Variants in STXBP2 observed in about 807,000 individuals in gnomAD.
STXBP2 encodes syntaxin binding protein 2.
STXBP2 carries 47 observed loss-of-function variants against 72.2 expected under a neutral mutation model. The observed-to-expected ratio is 0.65, with a 90% CI of 0.51 to 0.83. The LOEUF (loss-of-function observed/expected upper bound fraction) is 0.83. STXBP2 is among the 40% of genes least tolerant of loss of function. The probability of loss-of-function intolerance (pLI) is 0.00; values close to 1 mark genes in which losing one functional copy is unlikely to be tolerated. For missense variants in STXBP2, 702 were observed against 807.6 expected, an observed-to-expected ratio of 0.87 and a Z score of 1.58; for synonymous variants, 367 against 338.7, an observed-to-expected ratio of 1.08 and a Z score of -0.92.
intron 1 of STXBP2, 108 bp downstream of exon 1, chr19:7,637,294 G>A: frequency 8.8e-7 from 1 of 1,133,454 alleles, no homozygotes; most frequent in Non-Finnish European, 1.1e-6. Context: ...TTGGGGGCCG[G>A]GCTGGGCGTC....
the STXBP2 span, chr19:7,631,539 G>A: frequency 4.6e-6 from 7 of 1,535,870 alleles, no homozygotes; most frequent in South Asian, 2.4e-5. Flanking sequence ...CCTTCGCGAC[G>A]CCCAGCAGAA....
upstream of STXBP2, among the ~76,000 whole-genome samples, chr19:7,634,705 C>T (rs1482822229): frequency 3.3e-5 from 5 of 152,134 alleles, no homozygotes; most frequent in Admixed American, 6.6e-5. Context: ...ATTGAGCCAA[C>T]GTTCCAGAGG....
At chr19:7,639,975 TG>T (rs1204365043) in intron 4 of STXBP2, 168 bp downstream of exon 4, 1 of 777,270 alleles carries the variant, frequency 1.3e-6, no homozygotes, top group Admixed American at 2.1e-5. Flanking sequence ...TGTGTATGCA[TG>T]TGTGTGCGTG....
intron 4 of STXBP2, chr19:7,640,199 C>A (rs570779882): frequency 3.8e-5 from 17 of 444,022 alleles, no homozygotes; most frequent in East Asian, 6.4e-5. Context: ...TGTGTGTATG[C>A]GTGTGTATGT....
chr19:7,646,936 A>G (rs1418367671), intron 16 of STXBP2: 5 of 596,948 alleles, frequency 8.4e-6, no homozygotes, highest in Non-Finnish European at 1.5e-5. Flanking sequence ...CTGGGTACCC[A>G]AGGAGTTATG....
intron 16 of STXBP2, 50 bp downstream of exon 16, chr19:7,646,394 G>C: frequency 6.6e-7 from 1 of 1,505,064 alleles, no homozygotes; most frequent in Non-Finnish European, 9.1e-7. Flanking sequence ...ATCGGCTGGC[G>C]GCTCAGCCTC....
chr19:7,644,774 T>G (rs764999962), intron 14 of STXBP2, 22 bp downstream of exon 14: 1 of 1,613,214 alleles, frequency 6.2e-7, no homozygotes, highest in South Asian at 1.1e-5. Flanking sequence ...CTGCAGGGAG[T>G]TGGAACGTCC....
At chr19:7,632,679 C>G, upstream of STXBP2, 1 of 1,549,880 alleles carries the variant, frequency 6.5e-7, no homozygotes, top group Non-Finnish European at 8.7e-7. This position sits in a 1 kb window ranked among gnomAD's most constrained non-coding sequence, Gnocchi z 5.2. Flanking sequence ...CCACCCCGTT[C>G]ACGCCCCATG....
intron 3 of STXBP2, 173 bp downstream of exon 3, chr19:7,639,273 C>T (rs1428925372): frequency 1.3e-6 from 1 of 755,602 alleles, no homozygotes; most frequent in African/African-American, 1.7e-5. Flanking sequence ...CATTCTTAAA[C>T]CTTGCAAGCT....
At chr19:7,630,693 CAGGGGTGGGAG>C in the STXBP2 span, 1 of 1,533,110 alleles carries the variant, frequency 6.5e-7, no homozygotes, top group Non-Finnish European at 8.7e-7. Context: ...GGGTTCATTC[CAGGGGTGGGAG>C]AGGGTGTGGG....
At chr19:7,632,894 A>G (rs2031387164), upstream of STXBP2, 2 of 1,526,576 alleles carry the variant, frequency 1.3e-6, no homozygotes, top group Non-Finnish European at 8.8e-7. This position sits in a 1 kb window ranked among gnomAD's most constrained non-coding sequence, Gnocchi z 5.2. Context: ...CAAACTTCCT[A>G]GCCAGCTTGC....
chr19:7,640,504 G>GCA, intron 4 of STXBP2: 1 of 604,244 alleles, frequency 1.7e-6, no homozygotes, highest in Non-Finnish European at 3.2e-6. Context: ...GTGCATCTGT[G>GCA]TGTGTGTGCA....
At chr19:7,631,938 C>T (rs147293606), upstream of STXBP2, 638 of 951,446 alleles carry the variant, frequency 6.7e-4, 6 homozygotes, top group East Asian at 0.014. Context: ...CTATGTTTAC[C>T]CTCAATATCT....
upstream of STXBP2, chr19:7,636,513 C>T (rs916020583): frequency 1.3e-5 from 2 of 152,180 alleles, no homozygotes; most frequent in African/African-American, 4.8e-5. Context: ...GGACAGGCTC[C>T]TGGCTTGAAC....
At position 7,642,957 on chromosome 19, in the gene STXBP2, C is replaced by T; in HGVS notation, c.961-26C>T. On this transcript the variant is annotated intron_variant, in intron 11 of 18. Coordinates refer to ENST00000221283, the MANE Select transcript of STXBP2 (RefSeq NM_006949.4). The surrounding 1 kb of genome is among the most constrained non-coding windows in gnomAD (Gnocchi z 6.0). ...ACTGCCTGGCTTCGCCCCCCAATCC[C>T]TACCCTCTTCCCCCTACTTCCCCAG... 6.2e-7 allele frequency: 1 copy of T among 1,614,128 alleles called. No individual in the cohort carries two copies. Among genetic ancestry groups the T allele is most frequent in the Non-Finnish European group, 8.5e-7 (1 of 1,179,970 alleles).
In STXBP2 at chr19:7,639,712, C is replaced by G; in HGVS notation, c.170-19C>G. 2 of 1,611,734 alleles carry G rather than the reference C, an allele frequency of 1.2e-6. No individual in the cohort carries two copies. Among genetic ancestry groups the G allele is most frequent in the Non-Finnish European group, 1.7e-6 (2 of 1,179,444 alleles). On this transcript the variant is annotated intron_variant, in intron 3 of 18. Coordinates refer to ENST00000221283, the MANE Select transcript of STXBP2 (RefSeq NM_006949.4). ...GCCTGGATGCCACCCACCTGTGTCC[C>G]TTCCTCTGTTCCTACTAGTTGTTGA...
intron 12 of STXBP2, 51 bp from the exon 13 acceptor site, chr19:7,643,114 T>C (rs775896356): frequency 6.2e-7 from 1 of 1,614,102 alleles, no homozygotes; most frequent in Non-Finnish European, 8.5e-7. Flanking sequence ...GTCTGCGTTC[T>C]GCCTTGACTC....
chr19:7,639,847 CGTGTACATGT>C (rs1227101552), intron 4 of STXBP2, 40 bp downstream of exon 4: 2 of 1,589,960 alleles, frequency 1.3e-6, no homozygotes, highest in African/African-American at 2.8e-5. Flanking sequence ...CGCGTGCATG[CGTGTACATGT>C]GCATGTGTGT....
At position 7,642,397 on chromosome 19, in the gene STXBP2, C is replaced by T. The variant is rs971062570; in HGVS notation, c.795-32C>T. The T allele has an allele frequency of 2.5e-6, 4 of 1,613,772 alleles. No individual in the cohort carries two copies. Among genetic ancestry groups the T allele is most frequent in the Admixed American group, 3.3e-5 (2 of 60,022 alleles). ...ACCTGGTTCCCCAGTCCTCAGCTCC[C>T]CTGACCCCCAGGCTCCCTCCTTCCT... is the stretch of plus-strand genomic sequence containing the variant. On this transcript the variant is annotated intron_variant, in intron 9 of 18. Coordinates refer to ENST00000221283, the MANE Select transcript of STXBP2 (RefSeq NM_006949.4). This position sits in a 1 kb window ranked among gnomAD's most constrained non-coding sequence, Gnocchi z 6.0.
Sources: gnomAD v4.1 joint callset for allele counts (sites outside exome capture counted in the v4.1 genomes callset) on GRCh38, gnomAD v4.1.1 for gene constraint, Gnocchi (gnomAD v3.1) non-coding constraint, MANE v1.5 for transcripts, NCBI Gene and HGNC (gene_info 2026-07-23, HGNC 2026-07-21) for gene names.